The following COL5A2 variants were observed in gnomAD, a reference collection of about 807,000 sequenced individuals.
COL5A2 encodes the protein collagen type V alpha 2 chain.
In COL5A2, 23 loss-of-function variants were observed where a neutral mutation model predicts 208.2. That is an observed-to-expected ratio of 0.11 (90% CI 0.08 to 0.16). The LOEUF (loss-of-function observed/expected upper bound fraction) is 0.16, where lower values mean the gene tolerates loss of function less well. Ranked by LOEUF, COL5A2 falls within the 10% of genes least tolerant of loss-of-function variation. COL5A2 has a pLI of 1.00. For synonymous variants in COL5A2, 625 were observed against 628.5 expected (o/e 0.99, Z 0.08); for missense variants, 1,590 against 1,956.4 (o/e 0.81, Z 3.53).
At chr2:189,065,929 C>T (rs2105598090) in intron 23 of COL5A2, among the ~76,000 whole-genome samples, 1 of 152,302 alleles carries the variant, frequency 6.6e-6, no homozygotes, top group South Asian at 2.1e-4. Context: ...TCAGAGGATC[C>T]TCTTTCCTAA....
chr2:189,230,412 C>A, the COL5A2 span, among the ~76,000 whole-genome samples: 74 of 151,810 alleles, frequency 4.9e-4, no homozygotes, highest in African/African-American at 1.7e-3. Context: ...ACAATATTTG[C>A]AAATTATATA....
intron 39 of COL5A2, 42 bp downstream of exon 39, chr2:189,052,869 G>T: frequency 6.2e-7 from 1 of 1,609,768 alleles, no homozygotes; most frequent in Non-Finnish European, 8.5e-7. Context: ...CTCCAAACAT[G>T]GGGCACTTGA....
At chr2:189,242,221 T>C in the COL5A2 span, among the ~76,000 whole-genome samples, 2 of 152,222 alleles carry the variant, frequency 1.3e-5, no homozygotes, top group Admixed American at 1.3e-4. Context: ...TTAATTTTCC[T>C]GTCACTGACA....
chr2:189,311,287 G>T, the COL5A2 span: 1 of 1,405,536 alleles, frequency 7.1e-7, no homozygotes, highest in Non-Finnish European at 9.9e-7. Context: ...TGGTGTCATT[G>T]GTCTCAGACA....
intron 25 of COL5A2, 60 bp from the exon 26 acceptor site, chr2:189,064,093 T>C: frequency 7.2e-7 from 1 of 1,385,090 alleles, no homozygotes. Context: ...TAAAGATTCT[T>C]AAGAGTAAAA....
At chr2:189,066,656 C>A in intron 22 of COL5A2, 73 bp downstream of exon 22, 2 of 1,374,536 alleles carry the variant, frequency 1.5e-6, no homozygotes, top group South Asian at 1.2e-5. Context: ...TATTTTAAAC[C>A]CTTGAGCATT....
chr2:189,380,403 T>C, the COL5A2 span, among the ~76,000 whole-genome samples: 1 of 151,648 alleles, frequency 6.6e-6, no homozygotes, highest in African/African-American at 2.4e-5. Flanking sequence ...GTTATAAAAA[T>C]GTAAAGCTAA....
intron 1 of COL5A2, among the ~76,000 whole-genome samples, chr2:189,147,136 T>C (rs1688055106): frequency 6.6e-6 from 1 of 152,176 alleles, no homozygotes; most frequent in Non-Finnish European, 1.5e-5. Flanking sequence ...ATGTATTCTT[T>C]TGACGATTTC....
chr2:189,218,532 G>A (rs1398564861), intron 1 of COL5A2, among the ~76,000 whole-genome samples: 1 of 152,120 alleles, frequency 6.6e-6, no homozygotes, highest in Non-Finnish European at 1.5e-5. Context: ...CTACAATCCA[G>A]AACTGTGAGG....
chr2:189,431,110 A>T, the COL5A2 span, among the ~76,000 whole-genome samples: 13 of 152,146 alleles, frequency 8.5e-5, no homozygotes, highest in Admixed American at 2.6e-4. Flanking sequence ...GGTACCTATT[A>T]GAAGGAAAAC....
At chr2:189,440,679 T>C in the COL5A2 span, among the ~76,000 whole-genome samples, 1 of 152,174 alleles carries the variant, frequency 6.6e-6, no homozygotes, top group Non-Finnish European at 1.5e-5. Flanking sequence ...CGTGTAAGTT[T>C]ACAAAGGAAA....
At chr2:189,064,176 G>A (rs1027808758) in intron 25 of COL5A2, 143 bp from the exon 26 acceptor site, 1 of 688,926 alleles carries the variant, frequency 1.5e-6, no homozygotes, top group African/African-American at 1.8e-5. Context: ...GTGATGTATT[G>A]TTAAAATTTT....
the COL5A2 span, among the ~76,000 whole-genome samples, chr2:189,275,438 C>T: frequency 7.1e-6 from 1 of 140,736 alleles, no homozygotes; most frequent in African/African-American, 2.6e-5. Flanking sequence ...TTTTTAATTA[C>T]GTTAGTTTTC....
chr2:189,121,817 A>C (rs1687508329), intron 1 of COL5A2, among the ~76,000 whole-genome samples: 1 of 149,924 alleles, frequency 6.7e-6, no homozygotes, highest in Admixed American at 6.7e-5. Context: ...AGAATTCTGG[A>C]TTATTGTGTT....
chr2:189,081,563 A>G (rs1219015164), intron 12 of COL5A2, among the ~76,000 whole-genome samples: 1 of 152,208 alleles, frequency 6.6e-6, no homozygotes, highest in Admixed American at 6.5e-5. Context: ...TATGATGGGA[A>G]GAACAGTATT....
intron 1 of COL5A2, among the ~76,000 whole-genome samples, chr2:189,117,480 G>A (rs927945332): frequency 1.3e-5 from 2 of 152,074 alleles, no homozygotes; most frequent in African/African-American, 4.8e-5. Flanking sequence ...TAAGTGTTCT[G>A]AATGATGTCT....
the COL5A2 span, among the ~76,000 whole-genome samples, chr2:189,439,384 T>C: frequency 1.3e-5 from 2 of 152,230 alleles, no homozygotes; most frequent in African/African-American, 4.8e-5. Context: ...AAAATCCTTT[T>C]CCTTCTGTAT....
At chr2:189,383,672 TTAA>T in the COL5A2 span, among the ~76,000 whole-genome samples, 2 of 152,166 alleles carry the variant, frequency 1.3e-5, no homozygotes, top group Admixed American at 1.3e-4. Context: ...ATGTGAGTTT[TTAA>T]TAATAAGCAT....
chr2:189,223,167 T>A (rs185342450), intron 1 of COL5A2, among the ~76,000 whole-genome samples: 1 of 152,308 alleles, frequency 6.6e-6, no homozygotes, highest in African/African-American at 2.4e-5. Flanking sequence ...TCAAATGACT[T>A]ACACAAAAAA....
Sources: allele counts gnomAD v4.1 joint callset (sites outside exome capture counted in the v4.1 genomes callset), GRCh38; gene constraint gnomAD v4.1.1; transcripts MANE v1.5; gene names NCBI Gene and HGNC (gene_info 2026-07-23, HGNC 2026-07-21).